The following LRRC4B variants were observed in gnomAD, a reference collection of about 807,000 sequenced individuals.
LRRC4B encodes leucine-rich repeat-containing protein 4B.
Under a neutral mutation model 7.3 loss-of-function variants are expected in LRRC4B, and 1 was observed. The observed-to-expected ratio is 0.14, with a 90% confidence interval of 0.05 to 0.65. LRRC4B has a LOEUF of 0.65. Ranked by LOEUF, LRRC4B falls within the 30% of genes least tolerant of loss-of-function variation. LRRC4B has a pLI of 0.84. For synonymous variants in LRRC4B, 500 were observed against 499.2 expected (o/e 1.00, Z -0.02); for missense variants, 730 against 1,041.6 (o/e 0.70, Z 4.12).
chr19:50,556,077 G>A lies in LRRC4B; in HGVS notation c.-35-7204C>T, dbSNP rs895786450. On this transcript the variant is annotated intron_variant, in intron 1 of 2. Transcript: ENST00000652263. This position sits in a 1 kb window ranked among gnomAD's most constrained non-coding sequence, Gnocchi z 4.2. ...TTCAAAATAAAAGCAGCCCCACAGC[G>A]CCGAGAATTGTCAGGCTTCTATGTC... is the stretch of plus-strand genomic sequence containing the variant. Among the ~76,000 whole-genome samples the A allele has an allele frequency of 6.6e-5, 10 of 152,158 alleles. No homozygotes were observed. Among genetic ancestry groups the A allele is most frequent in the African/African-American group, 2.4e-4 (10 of 41,430 alleles).
intron 2 of LRRC4B, among the ~76,000 whole-genome samples, chr19:50,529,521 G>A (rs1980958593): frequency 6.6e-6 from 1 of 152,118 alleles, no homozygotes; most frequent in African/African-American, 2.4e-5. Context: ...CCTGGACCAA[G>A]AGGCCGGACA....
intron 1 of LRRC4B, among the ~76,000 whole-genome samples, chr19:50,566,944 T>G (rs1415466415): frequency 4.2e-3 from 425 of 101,138 alleles, no homozygotes; most frequent in Middle Eastern, 0.012. Flanking sequence ...GGGGAGGGAG[T>G]GGGAGGAGGG....
intron 1 of LRRC4B, among the ~76,000 whole-genome samples, chr19:50,564,885 C>G (rs1047807082): frequency 4.0e-5 from 6 of 151,588 alleles, no homozygotes; most frequent in African/African-American, 1.2e-4. Context: ...ACCCCCGCCC[C>G]CAATCCCCAA....
intron 1 of LRRC4B, among the ~76,000 whole-genome samples, chr19:50,566,082 A>T (rs1982619070): frequency 6.7e-6 from 1 of 148,472 alleles, no homozygotes; most frequent in South Asian, 2.2e-4. Context: ...AGGGAGGAGG[A>T]GGAGGAGGAA....
chr19:50,565,795 G>C lies in LRRC4B; in HGVS notation c.-36+2149C>G, dbSNP rs554504938. On this transcript the variant is annotated intron_variant, in intron 1 of 2. Transcript: ENST00000652263. ...CTCCCTGCGTCTCTGCCTCACCCGCGTGTCTGCTCTCTGGGTGGGAGTGGC... is the reference window on the plus strand; with the variant it reads ...CTCCCTGCGTCTCTGCCTCACCCGCCTGTCTGCTCTCTGGGTGGGAGTGGC... Among the ~76,000 whole-genome samples the C allele has an allele frequency of 8.6e-5, 13 of 151,924 alleles. No homozygotes were observed. In the South Asian group the frequency reaches 2.7e-3, roughly 32 times the overall value.
chr19:50,556,402 C>T lies in LRRC4B; in HGVS notation c.-35-7529G>A, dbSNP rs1432086106. On this transcript the variant is annotated intron_variant, in intron 1 of 2. Transcript: ENST00000652263. This position sits in a 1 kb window ranked among gnomAD's most constrained non-coding sequence, Gnocchi z 4.2. Reference sequence around the variant, plus strand: ...CTCCCACCCAGGCTCTTCCCATCCACACCAGACCCGTTCCCCTGAGGGGAC... The same window carrying T: ...CTCCCACCCAGGCTCTTCCCATCCATACCAGACCCGTTCCCCTGAGGGGAC... 6.6e-6 allele frequency among the ~76,000 whole-genome samples: 1 copy of T among 152,160 alleles called. No homozygotes were observed. Among genetic ancestry groups the T allele is most frequent in the East Asian group, 1.9e-4 (1 of 5,172 alleles).
rs890081641 is a variant in LRRC4B, at chr19:50,519,554, A to G, written c.298-139T>C. 5.7e-6 allele frequency: 8 copies of G among 1,413,758 alleles called. No individual in the cohort carries two copies. In the African/African-American group the frequency reaches 8.7e-5, roughly 15 times the overall value. The allele number at this position is 1,413,758 out of a possible 1,614,324, so 87.6% of individuals were successfully genotyped here. ...GTGACGGTACGACCTATATTGCAACATGGTTTGATGAGTTTCTTATAAAGT... is the reference window on the plus strand; with the variant it reads ...GTGACGGTACGACCTATATTGCAACGTGGTTTGATGAGTTTCTTATAAAGT... On this transcript the variant is annotated intron_variant, in intron 2 of 2. Transcript: ENST00000652263. This position sits in a 1 kb window ranked among gnomAD's most constrained non-coding sequence, Gnocchi z 8.1.
intron 2 of LRRC4B, among the ~76,000 whole-genome samples, chr19:50,546,826 T>C (rs1981836922): frequency 6.6e-6 from 1 of 152,164 alleles, no homozygotes; most frequent in African/African-American, 2.4e-5. Flanking sequence ...CGTGGGTGCC[T>C]CCCTGTCCCA....
At chr19:50,540,782 G>A (rs1981504071) in intron 2 of LRRC4B, among the ~76,000 whole-genome samples, 2 of 151,638 alleles carry the variant, frequency 1.3e-5, no homozygotes, top group South Asian at 4.2e-4. Flanking sequence ...CCCCCAGATG[G>A]GACCATCTAG....
rs1214985070 is a variant in LRRC4B, at chr19:50,563,891, C to T, written c.-36+4053G>A. On this transcript the variant is annotated intron_variant, in intron 1 of 2. Coordinates refer to ENST00000652263, the MANE Select transcript of LRRC4B (RefSeq NM_001080457.2). This position sits in a 1 kb window ranked among gnomAD's most constrained non-coding sequence, Gnocchi z 4.9. Reference sequence around the variant, plus strand: ...AGAAGGATAAGACTCTTCCTGCTCTCGGCAAGGGAAGGAGGCCATTTAAGT... The same window carrying T: ...AGAAGGATAAGACTCTTCCTGCTCTTGGCAAGGGAAGGAGGCCATTTAAGT... 6.6e-6 allele frequency among the ~76,000 whole-genome samples: 1 copy of T among 152,114 alleles called. No individual in the cohort carries two copies. Among genetic ancestry groups the T allele is most frequent in the Non-Finnish European group, 1.5e-5 (1 of 68,030 alleles).
Position 50,556,125 on chromosome 19 carries a change from A to T in LRRC4B, c.-35-7252T>A, listed in dbSNP as rs951241560. ...GTCTGGAGGTAGAAGAACCTTAGGG[A>T]AAGGGCAGTCCAGGCCCCCTAGGAG... is the stretch of plus-strand genomic sequence containing the variant. On this transcript the variant is annotated intron_variant, in intron 1 of 2. Coordinates refer to ENST00000652263, the MANE Select transcript of LRRC4B (RefSeq NM_001080457.2). The surrounding 1 kb of genome is among the most constrained non-coding windows in gnomAD (Gnocchi z 4.2). Among the ~76,000 whole-genome samples the T allele has an allele frequency of 6.6e-6, 1 of 152,092 alleles. No individual in the cohort carries two copies. The highest frequency in any genetic ancestry group is 1.5e-5 in the Non-Finnish European group (1 of 67,988).
At chr19:50,566,068 C>T (rs1982618586) in intron 1 of LRRC4B, among the ~76,000 whole-genome samples, 1 of 151,942 alleles carries the variant, frequency 6.6e-6, no homozygotes, top group Admixed American at 6.6e-5. Flanking sequence ...AGGAGAGGAG[C>T]CCCAGGGAGG....
In LRRC4B at chr19:50,568,349, G is replaced by A. The variant is rs1427433340; in HGVS notation, c.-441C>T. ...CTCCCCCCACCCCACCCCCCCCCAG[G>A]CCCCGGCCCCGGCCCCGGCCCCCGC... On this transcript the variant is annotated 5_prime_UTR_variant, in exon 1 of 3. Coordinates refer to ENST00000652263, the MANE Select transcript of LRRC4B (RefSeq NM_001080457.2). Among the ~76,000 whole-genome samples, 3 of 31,928 alleles carry A rather than the reference G, an allele frequency of 9.4e-5. No homozygotes were observed. Among genetic ancestry groups the A allele is most frequent in the Non-Finnish European group, 2.7e-4 (3 of 11,222 alleles). 20.9% of individuals were successfully genotyped at this position (31,928 alleles called of 152,430 possible).
rs756004281 is a variant in LRRC4B, at chr19:50,517,744, G to C, written c.1969C>G (p.Arg657Gly). The C allele has an allele frequency of 1.3e-6, 2 of 1,532,474 alleles. No individual in the cohort carries two copies. The highest frequency in any genetic ancestry group is 1.8e-6 in the Non-Finnish European group (2 of 1,142,434). The allele number at this position is 1,532,474 out of a possible 1,614,324, so 94.9% of individuals were successfully genotyped here. ...DSHLALPALE[R>G]DHLNHHHYVA... ...TAGTGGTGGTGGTTGAGGTGGTCTCGCTCCAGGGCGGGCAGGGCCAGGTGG... is the reference window on the plus strand; with the variant it reads ...TAGTGGTGGTGGTTGAGGTGGTCTCCCTCCAGGGCGGGCAGGGCCAGGTGG... The change falls in exon 3 of 3, where the codon CGA becomes GGA. Residue 657 changes from arginine (R) to glycine (G), a missense_variant. Physicochemically the swap from Arg to Gly is moderately radical, Grantham distance 125. Around this residue, in one of 6 missense-constraint regions of LRRC4B, gnomAD observed 160 missense variants for 163.9 expected, o/e 0.98. Coordinates refer to ENST00000652263, the MANE Select transcript of LRRC4B (RefSeq NM_001080457.2). This position sits in a 1 kb window ranked among gnomAD's most constrained non-coding sequence, Gnocchi z 6.6.
Position 50,537,774 on chromosome 19 carries a change from G to A in LRRC4B, c.297+10768C>T, listed in dbSNP as rs945748461. ...ATCCTATTTGAAAAGGGTAGAAACT[G>A]AGGCTCGGAGTGGTGACAAGGATTA... is the stretch of plus-strand genomic sequence containing the variant. On this transcript the variant is annotated intron_variant, in intron 2 of 2. Coordinates refer to ENST00000652263, the MANE Select transcript of LRRC4B (RefSeq NM_001080457.2). The surrounding 1 kb of genome is among the most constrained non-coding windows in gnomAD (Gnocchi z 5.5). 6.6e-6 allele frequency among the ~76,000 whole-genome samples: 1 copy of A among 152,222 alleles called. No homozygotes were observed. The highest frequency in any genetic ancestry group is 2.4e-5 in the African/African-American group (1 of 41,450).
In LRRC4B at chr19:50,529,793, C is replaced by A. The variant is rs138896254; in HGVS notation, c.298-10378G>T. Among the ~76,000 whole-genome samples, 4 of 152,212 alleles carry A rather than the reference C, an allele frequency of 2.6e-5. No individual in the cohort carries two copies. The East Asian group carries it at 7.7e-4, about 29-fold the overall frequency. Reference sequence around the variant, plus strand: ...CCAGCCTGGGCAACAGAGTGAGAATCGTCTCGATAATAATAATAATAAATA... The same window carrying A: ...CCAGCCTGGGCAACAGAGTGAGAATAGTCTCGATAATAATAATAATAAATA... On this transcript the variant is annotated intron_variant, in intron 2 of 2. Coordinates refer to ENST00000652263, the MANE Select transcript of LRRC4B (RefSeq NM_001080457.2).
intron 2 of LRRC4B, among the ~76,000 whole-genome samples, chr19:50,545,482 G>A (rs527650148): frequency 3.4e-4 from 51 of 151,576 alleles, no homozygotes; most frequent in African/African-American, 1.1e-3. Flanking sequence ...TCTGGAGGCT[G>A]AGGCAGGAGG....
chr19:50,566,398 C>A (rs958190775), intron 1 of LRRC4B, among the ~76,000 whole-genome samples: 1 of 150,868 alleles, frequency 6.6e-6, no homozygotes, highest in Non-Finnish European at 1.5e-5. Flanking sequence ...GGGGCAGCCC[C>A]GAGGCTCCCT....
rs1376550676 is a variant in LRRC4B at position 50,517,805 on chromosome 19, G to A, written c.1908C>T (p.Ala636=). 2.6e-6 allele frequency: 4 copies of A among 1,546,128 alleles called. No individual in the cohort carries two copies. Among genetic ancestry groups the A allele is most frequent in the Middle Eastern group, 1.8e-4 (1 of 5,484 alleles). ...AASAVSVAAA[A]AVASGGGVGG... ...CCACACCACCCCCACTGGCCACGGCGGCCGCGGCGGCCACGGACACGGCCG... is the reference window on the plus strand; with the variant it reads ...CCACACCACCCCCACTGGCCACGGCAGCCGCGGCGGCCACGGACACGGCCG... The change falls in exon 3 of 3, where the codon GCC becomes GCT. Residue 636 remains alanine, a synonymous_variant. Coordinates refer to ENST00000652263, the MANE Select transcript of LRRC4B (RefSeq NM_001080457.2). The surrounding 1 kb of genome is among the most constrained non-coding windows in gnomAD (Gnocchi z 6.6).
Sources: gnomAD v4.1 joint callset for allele counts (sites outside exome capture counted in the v4.1 genomes callset) on GRCh38, gnomAD v4.1.1 for gene constraint, gnomAD v4.1.1 regional missense constraint, Gnocchi (gnomAD v3.1) non-coding constraint, MANE v1.5 for transcripts, NCBI Gene and HGNC (gene_info 2026-07-23, HGNC 2026-07-21) for gene names.